The following CPEB1 variants were observed in gnomAD, a reference collection of about 807,000 sequenced individuals.
CPEB1 encodes the protein cytoplasmic polyadenylation element binding protein 1.
In CPEB1, 7 loss-of-function variants were observed where a neutral mutation model predicts 65.8. The ratio of observed to expected loss-of-function variants is 0.11; its 90% CI spans 0.06 to 0.20. The LOEUF (loss-of-function observed/expected upper bound fraction) is 0.20, where lower values mean the gene tolerates loss of function less well. Ranked by LOEUF, CPEB1 falls within the 10% of genes least tolerant of loss-of-function variation. The pLI is 1.00. For synonymous variants in CPEB1, 262 were observed against 260.0 expected (o/e 1.01, Z -0.08); for missense variants, 551 against 712.2 (o/e 0.77, Z 2.58).
At chr15:82,623,748 GTTTTTCTAT>G (rs2045518169) in intron 3 of CPEB1, among the ~76,000 whole-genome samples, 1 of 151,916 alleles carries the variant, frequency 6.6e-6, no homozygotes, top group Admixed American at 6.6e-5. Context: ...TCATTCCAGT[GTTTTTCTAT>G]GCATATATAT....
chr15:82,612,252 T>C (rs1356617241), intron 3 of CPEB1, among the ~76,000 whole-genome samples: 1 of 151,944 alleles, frequency 6.6e-6, no homozygotes, highest in African/African-American at 2.4e-5. Context: ...ATCCCAGCAC[T>C]TTGGAAAGCT....
intron 3 of CPEB1, among the ~76,000 whole-genome samples, chr15:82,623,139 A>G (rs1409079833): frequency 6.6e-6 from 1 of 152,232 alleles, no homozygotes; most frequent in Non-Finnish European, 1.5e-5. Flanking sequence ...CATCCAGTTA[A>G]GACTAAAGTA....
At chr15:82,647,724 C>T (rs2063701375), upstream of CPEB1, 2 of 798,662 alleles carry the variant, frequency 2.5e-6, no homozygotes, top group African/African-American at 1.8e-5. Flanking sequence ...CACGTGACCG[C>T]GCCCCGCCCG....
At chr15:82,576,725 A>G (rs1435364981) in intron 3 of CPEB1, among the ~76,000 whole-genome samples, 2 of 152,232 alleles carry the variant, frequency 1.3e-5, no homozygotes, top group Non-Finnish European at 2.9e-5. Context: ...TGATTTGACA[A>G]TAAAAACTGA....
intron 4 of CPEB1, among the ~76,000 whole-genome samples, chr15:82,561,056 C>T (rs887186605): frequency 6.6e-6 from 1 of 152,182 alleles, no homozygotes; most frequent in African/African-American, 2.4e-5. Flanking sequence ...CCAGTGATTT[C>T]AATAGGCTGA....
At chr15:82,578,135 G>A (rs1252071271) in intron 3 of CPEB1, among the ~76,000 whole-genome samples, 5 of 151,230 alleles carry the variant, frequency 3.3e-5, no homozygotes, top group African/African-American at 9.8e-5. Context: ...GCGAGACTCC[G>A]TCTCAAAAAA....
At chr15:82,562,099 C>G in intron 4 of CPEB1, 2 of 418,734 alleles carry the variant, frequency 4.8e-6, no homozygotes, top group Admixed American at 5.9e-5. Flanking sequence ...AAAGTAACAG[C>G]TAATGAGTGA....
At chr15:82,636,683 C>G (rs1023689032) in intron 1 of CPEB1, among the ~76,000 whole-genome samples, 1 of 152,156 alleles carries the variant, frequency 6.6e-6, no homozygotes, top group Non-Finnish European at 1.5e-5. Context: ...ATCTGATAAA[C>G]TATAAAGGTC....
At chr15:82,548,890 C>T (rs1297132188) in intron 10 of CPEB1, 2 of 299,690 alleles carry the variant, frequency 6.7e-6, no homozygotes, top group Non-Finnish European at 1.3e-5. Flanking sequence ...ACCTCCATAC[C>T]TCATCATTGA....
In CPEB1 at chr15:82,597,805, A is replaced by G. The variant is rs958293423; in HGVS notation, c.272-26273T>C. Reference sequence around the variant, plus strand: ...ACTCGACTCCAGCCTGCATGACAAGAATGAGACCCTGTCTCAAAAAACAAA... The same window carrying G: ...ACTCGACTCCAGCCTGCATGACAAGGATGAGACCCTGTCTCAAAAAACAAA... On this transcript the variant is annotated intron_variant, in intron 3 of 12. Transcript: ENST00000684509. Among the ~76,000 whole-genome samples the G allele has an allele frequency of 2.4e-4, 36 of 152,208 alleles. 2 individuals are homozygous for G. The highest frequency in any genetic ancestry group is 8.4e-4 in the African/African-American group (35 of 41,452).
intron 9 of CPEB1, among the ~76,000 whole-genome samples, chr15:82,550,205 C>A (rs187908221): frequency 7.2e-5 from 11 of 152,290 alleles, no homozygotes; most frequent in Admixed American, 5.9e-4. Context: ...AAGTCACATA[C>A]AAGATCCCTG....
chr15:82,604,028 T>C (rs368170862), intron 3 of CPEB1, among the ~76,000 whole-genome samples: 2 of 152,196 alleles, frequency 1.3e-5, no homozygotes, highest in African/African-American at 2.4e-5. Context: ...ACAAAGACTC[T>C]AGCTATTTTC....
chr15:82,580,319 TA>T (rs370232078), intron 3 of CPEB1, among the ~76,000 whole-genome samples: 13,813 of 133,350 alleles, frequency 0.1, 1,202 homozygotes, highest in African/African-American at 0.25. Context: ...GACTCTGTCT[TA>T]AAAAAAAAAA....
intron 10 of CPEB1, 63 bp from the exon 11 acceptor site, chr15:82,547,300 T>C: frequency 1.0e-6 from 1 of 1,004,074 alleles, no homozygotes; most frequent in South Asian, 1.5e-5. Context: ...TTTTTTTTTT[T>C]TTTTTTTTTT....
chr15:82,617,819 C>T (rs796111842), intron 3 of CPEB1, among the ~76,000 whole-genome samples: 5 of 144,894 alleles, frequency 3.5e-5, no homozygotes, highest in Non-Finnish European at 4.5e-5. Flanking sequence ...CTGCAAGCTC[C>T]GCCTCTCGGG....
intron 1 of CPEB1, among the ~76,000 whole-genome samples, chr15:82,631,883 ATT>A (rs781133540): frequency 2.8e-5 from 4 of 142,836 alleles, no homozygotes; most frequent in South Asian, 2.2e-4. Context: ...TCAGATTTGG[ATT>A]TTTTTTTTTT....
chr15:82,647,656 G>T (rs1596157348), upstream of CPEB1: 2 of 369,756 alleles, frequency 5.4e-6, no homozygotes, highest in South Asian at 2.8e-4. Context: ...CCTGAGTCAC[G>T]AGGAGGCTCC....
chr15:82,554,965 A>G (rs1449192241), intron 6 of CPEB1, among the ~76,000 whole-genome samples: 1 of 152,210 alleles, frequency 6.6e-6, no homozygotes, highest in Non-Finnish European at 1.5e-5. Flanking sequence ...TTAGGTGAAC[A>G]GGGCACAGCA....
intron 1 of CPEB1, among the ~76,000 whole-genome samples, chr15:82,638,371 C>T (rs2046835580): frequency 6.6e-6 from 1 of 152,126 alleles, no homozygotes; most frequent in Non-Finnish European, 1.5e-5. Context: ...GCAAATATAA[C>T]AAACGTTGAC....
Sources: allele counts gnomAD v4.1 joint callset (sites outside exome capture counted in the v4.1 genomes callset), GRCh38; gene constraint gnomAD v4.1.1; transcripts MANE v1.5; gene names NCBI Gene and HGNC (gene_info 2026-07-23, HGNC 2026-07-21).